RANBP2: variants seen among roughly 807,000 people sequenced by gnomAD.
RANBP2 encodes the protein E3 SUMO-protein ligase RanBP2.
A neutral mutation model predicts 303.6 loss-of-function variants in RANBP2; 57 were observed. The observed-to-expected ratio is 0.19, with a 90% CI of 0.15 to 0.23. The LOEUF is 0.23. Ranked by LOEUF, RANBP2 falls within the 10% of genes least tolerant of loss-of-function variation. The probability of loss-of-function intolerance (pLI) is 1.00; values close to 1 mark genes in which losing one functional copy is unlikely to be tolerated. For synonymous variants in RANBP2, 1,167 were observed against 1,301.5 expected (o/e 0.90, Z 2.23); for missense variants, 3,138 against 3,780.8 (o/e 0.83, Z 4.46).
At chr2:109,352,077 C>G in the RANBP2 span, among the ~76,000 whole-genome samples, 1 of 152,140 alleles carries the variant, frequency 6.6e-6, no homozygotes, top group African/African-American at 2.4e-5. Flanking sequence ...CATGGTGACT[C>G]GAACATTTAC....
the RANBP2 span, among the ~76,000 whole-genome samples, chr2:109,343,907 T>A: frequency 1.3e-5 from 2 of 152,172 alleles, no homozygotes; most frequent in Admixed American, 1.3e-4. Context: ...CCATGCCTAT[T>A]TTTAAAAAAT....
chr2:108,830,629 A>G, the RANBP2 span, among the ~76,000 whole-genome samples: 1 of 151,340 alleles, frequency 6.6e-6, no homozygotes, highest in Non-Finnish European at 1.5e-5. Context: ...CAATGTGGTG[A>G]AACTCTGTCT....
At chr2:108,820,060 C>T in the RANBP2 span, among the ~76,000 whole-genome samples, 1 of 152,060 alleles carries the variant, frequency 6.6e-6, no homozygotes, top group African/African-American at 2.4e-5. Flanking sequence ...TAAAAGTCAA[C>T]AGCAGACTTC....
chr2:109,755,109 C>T, the RANBP2 span, among the ~76,000 whole-genome samples: 1 of 88,776 alleles, frequency 1.1e-5, no homozygotes, highest in Non-Finnish European at 2.2e-5. Flanking sequence ...CTGACACTAA[C>T]TATCAAGAGT....
chr2:109,539,718 C>T, the RANBP2 span, among the ~76,000 whole-genome samples: 2 of 152,186 alleles, frequency 1.3e-5, no homozygotes, highest in South Asian at 4.1e-4. Flanking sequence ...GCTGGGATTA[C>T]AGGAGTGAGC....
the RANBP2 span, among the ~76,000 whole-genome samples, chr2:108,813,198 G>T: frequency 1.7e-5 from 2 of 120,476 alleles, no homozygotes; most frequent in East Asian, 3.0e-4. Flanking sequence ...GCAGTGAGCC[G>T]AGATTGCACC....
chr2:109,618,305 A>G, the RANBP2 span: 1 of 166,762 alleles, frequency 6.0e-6, no homozygotes, highest in Non-Finnish European at 1.5e-5. Flanking sequence ...AGCTGAAGTA[A>G]CTCTAAAGAG....
the RANBP2 span, among the ~76,000 whole-genome samples, chr2:108,917,080 C>A: frequency 6.6e-6 from 1 of 152,210 alleles, no homozygotes; most frequent in Admixed American, 6.5e-5. Flanking sequence ...AGCAAAGACC[C>A]TCAAACCACA....
the RANBP2 span, among the ~76,000 whole-genome samples, chr2:109,139,004 G>A: frequency 4.1e-4 from 62 of 152,218 alleles, no homozygotes; most frequent in Non-Finnish European, 7.3e-4. Context: ...AGGGGCCACA[G>A]CCTGATGATG....
At chr2:109,645,487 C>T in the RANBP2 span, among the ~76,000 whole-genome samples, 2 of 152,146 alleles carry the variant, frequency 1.3e-5, no homozygotes, top group Non-Finnish European at 2.9e-5. Context: ...AAAGTAAATG[C>T]GGGTCCTCCT....
chr2:109,398,529 G>A, the RANBP2 span: 1 of 1,410,068 alleles, frequency 7.1e-7, no homozygotes, highest in Non-Finnish European at 9.6e-7. Context: ...AGAGTGCAGA[G>A]GGCTGGTGTG....
chr2:109,203,668 G>T, the RANBP2 span, among the ~76,000 whole-genome samples: 1 of 152,066 alleles, frequency 6.6e-6, no homozygotes, highest in South Asian at 2.1e-4. Flanking sequence ...TCCTGGCCCT[G>T]TGTCTCTGTG....
chr2:109,158,291 T>G, the RANBP2 span, among the ~76,000 whole-genome samples: 2 of 152,204 alleles, frequency 1.3e-5, no homozygotes, highest in African/African-American at 4.8e-5. Flanking sequence ...GCCACTTGTC[T>G]CTTTCTGGTA....
the RANBP2 span, among the ~76,000 whole-genome samples, chr2:109,505,801 G>A: frequency 6.6e-6 from 1 of 152,146 alleles, no homozygotes; most frequent in African/African-American, 2.4e-5. Flanking sequence ...TCAAAAGCTG[G>A]GTGCCAAACC....
At chr2:108,934,604 G>A in the RANBP2 span, among the ~76,000 whole-genome samples, 3 of 152,278 alleles carry the variant, frequency 2.0e-5, no homozygotes, top group Admixed American at 2.0e-4. Flanking sequence ...GTCCAAGAGC[G>A]ACTGGCTGCA....
At chr2:109,595,179 G>A in the RANBP2 span, among the ~76,000 whole-genome samples, 4 of 152,074 alleles carry the variant, frequency 2.6e-5, no homozygotes, top group East Asian at 1.9e-4. Context: ...GAGCCCCCAC[G>A]CCCAGCCAAC....
At chr2:109,740,510 G>A in the RANBP2 span, among the ~76,000 whole-genome samples, 3 of 152,154 alleles carry the variant, frequency 2.0e-5, no homozygotes, top group African/African-American at 4.8e-5. Context: ...TCATCCAAGA[G>A]CAGGTTACAT....
intron 28 of RANBP2, 98 bp from the exon 29 acceptor site, chr2:108,783,498 A>G (rs1678403577): frequency 2.4e-6 from 2 of 824,778 alleles, no homozygotes; most frequent in East Asian, 2.7e-5. Context: ...AGGATTTAAC[A>G]TGTAGTGATG....
chr2:109,146,854 C>T, the RANBP2 span, among the ~76,000 whole-genome samples: 1 of 87,694 alleles, frequency 1.1e-5, no homozygotes, highest in Non-Finnish European at 2.4e-5. Flanking sequence ...CCCTCCCCTC[C>T]CTCTCTTCCC....
Sources: gnomAD v4.1 joint callset for allele counts (sites outside exome capture counted in the v4.1 genomes callset) on GRCh38, gnomAD v4.1.1 for gene constraint, MANE v1.5 for transcripts, NCBI Gene and HGNC (gene_info 2026-07-23, HGNC 2026-07-21) for gene names.